Variants in AKNA observed in about 807,000 individuals in gnomAD.
AKNA encodes the protein microtubule organization protein AKNA.
Under a neutral mutation model 138.8 loss-of-function variants are expected in AKNA, and 67 were observed. The observed-to-expected ratio is 0.48, with a 90% CI of 0.40 to 0.59. AKNA has a LOEUF of 0.59. AKNA is among the 20% of genes least tolerant of loss of function. The probability of loss-of-function intolerance (pLI) is 0.00; values close to 1 mark genes in which losing one functional copy is unlikely to be tolerated. For missense variants in AKNA, 1,813 were observed against 1,880.4 expected (o/e 0.96, Z 0.66); for synonymous variants, 737 against 754.4 (o/e 0.98, Z 0.38).
chr9:114,371,701 T>C (rs189607401), intron 4 of AKNA, among the ~76,000 whole-genome samples: 165 of 152,308 alleles, frequency 1.1e-3, no homozygotes, highest in African/African-American at 3.9e-3. Flanking sequence ...GTCAATCTCC[T>C]TCCTATGGGT....
At chr9:114,378,650 T>G (rs917917812) in intron 2 of AKNA, among the ~76,000 whole-genome samples, 1 of 152,090 alleles carries the variant, frequency 6.6e-6, no homozygotes, top group South Asian at 2.1e-4. Context: ...ATTGTAATTA[T>G]TACATAGTGG....
At chr9:114,337,385 C>T in intron 21 of AKNA, 79 bp from the exon 22 acceptor site, 1 of 1,335,690 alleles carries the variant, frequency 7.5e-7, no homozygotes, top group Admixed American at 3.0e-5. Context: ...GTGGGGTCAA[C>T]CCCCTTCTAA....
At position 114,351,013 on chromosome 9, in the gene AKNA, C is replaced by T; in HGVS notation, c.3067G>A (p.Gly1023Ser). Residue 1023 changes from glycine to serine, a missense_variant, in exon 15 of 22, where the codon GGC becomes AGC. Transcript: ENST00000374088. ...CGTTTGTGCCCCTCAAACTCTGAGC[C>T]AGGAACCGCTAGGGAGGCAGAGAGA... The part of the protein sequence containing the change: ...RTLAAEMAVP[G>S]SEFEGHKRIS... 1 of 1,613,702 alleles carries T rather than the reference C, an allele frequency of 6.2e-7. No homozygotes were observed. The highest frequency in any genetic ancestry group is 8.5e-7 in the Non-Finnish European group (1 of 1,179,912).
intron 4 of AKNA, 34 bp from the exon 5 acceptor site, chr9:114,368,629 C>A: frequency 7.4e-7 from 1 of 1,342,972 alleles, no homozygotes; most frequent in Non-Finnish European, 9.6e-7. Flanking sequence ...ACAGCCAAGT[C>A]AGGGTAGGGG....
At position 114,387,125 on chromosome 9, in the gene AKNA, G is replaced by A. The variant is rs181305070; in HGVS notation, c.-114+735C>T. The stretch of plus-strand genomic sequence containing the variant: ...CAGATGTGTCAGGGAGATGGGGAAG[G>A]AAGACCACCCCCCAAATCAGTAACC... On this transcript the variant is annotated intron_variant, in intron 1 of 21. Coordinates refer to ENST00000374088, the MANE Select transcript of AKNA (RefSeq NM_001317950.2). 5.1e-4 allele frequency among the ~76,000 whole-genome samples: 77 copies of A among 152,232 alleles called. No individual in the cohort carries two copies. The East Asian group carries it at 0.014, about 29-fold the overall frequency.
At chr9:114,389,259 C>T (rs1159310), upstream of AKNA, among the ~76,000 whole-genome samples, 9 of 151,814 alleles carry the variant, frequency 5.9e-5, no homozygotes, top group African/African-American at 1.7e-4. Flanking sequence ...CACAGAAAAG[C>T]GGGCACAGGA....
rs1307658956 is a variant in AKNA at position 114,381,318 on chromosome 9, T to C, written c.16A>G (p.Thr6Ala). 1.9e-6 allele frequency: 3 copies of C among 1,598,176 alleles called. No individual in the cohort carries two copies. Among genetic ancestry groups the C allele is most frequent in the African/African-American group, 1.3e-5 (1 of 74,742 alleles). The change falls in exon 2 of 22, where the codon ACT becomes GCT. Residue 6 changes from threonine to alanine, a missense_variant. Thr to Ala is a moderately conservative substitution (Grantham distance 58, BLOSUM62 0). Transcript: ENST00000374088. ...CCAGGCTCAGCCCAGCGGATCTCAGTCTCCGAGCTGGCCATTGGGGCTGGC... is the reference window on the plus strand; with the variant it reads ...CCAGGCTCAGCCCAGCGGATCTCAGCCTCCGAGCTGGCCATTGGGGCTGGC... MASSE[T>A]EIRWAEPGLG...
Position 114,356,070 on chromosome 9 carries a change from C to T in AKNA, c.2913G>A (p.Lys971=). 4.3e-6 allele frequency: 7 copies of T among 1,614,166 alleles called. No individual in the cohort carries two copies. Among genetic ancestry groups the T allele is most frequent in the Non-Finnish European group, 5.9e-6 (7 of 1,180,034 alleles). The change falls in exon 14 of 22, where the codon AAG becomes AAA. Residue 971 remains lysine, a synonymous_variant. Transcript: ENST00000374088. ...TTCTGGGAATCAGAGAACCCCTGGC[C>T]TTGGGGTAGGAAGCTCCATCCCTGG... is the stretch of plus-strand genomic sequence containing the variant. The part of the protein sequence containing the change: ...SVPRDGASYP[K]ARGSLIPRRA...
At chr9:114,355,396 C>T (rs1004250746) in intron 14 of AKNA, among the ~76,000 whole-genome samples, 2 of 151,430 alleles carry the variant, frequency 1.3e-5, no homozygotes, top group African/African-American at 4.9e-5. Flanking sequence ...AGGCTCGTCT[C>T]GAACTCCTGA....
chr9:114,364,693 TGCCTTG>T (rs1363489016), intron 6 of AKNA, 74 bp from the exon 7 acceptor site: 18 of 1,497,776 alleles, frequency 1.2e-5, no homozygotes, highest in Non-Finnish European at 1.7e-5. Context: ...GCCACATCTA[TGCCTTG>T]GTAAGAGGAG....
chr9:114,346,611 G>T, intron 17 of AKNA, 58 bp downstream of exon 17: 1 of 1,396,816 alleles, frequency 7.2e-7, no homozygotes, highest in South Asian at 1.3e-5. Flanking sequence ...CCTGACCACT[G>T]AGCCAACATG....
Position 114,379,251 on chromosome 9 carries a change from TG to T in AKNA, c.275-1720del, listed in dbSNP as rs199517498. Among the ~76,000 whole-genome samples the T allele has an allele frequency of 1.3e-3, 200 of 152,356 alleles. 5 individuals are homozygous for T. The East Asian group carries it at 0.031, about 23-fold the overall frequency. On this transcript the variant is annotated intron_variant, in intron 2 of 21. Coordinates refer to ENST00000374088, the MANE Select transcript of AKNA (RefSeq NM_001317950.2). Reference sequence around the variant, plus strand: ...GCCACGGGCAAGCTGCTGACCTCTCTGGCAATCCATAGTCAAACTTGAGGAT... The same window carrying T: ...GCCACGGGCAAGCTGCTGACCTCTCTGCAATCCATAGTCAAACTTGAGGAT...
At chr9:114,340,252 T>C (rs1435246691) in intron 21 of AKNA, among the ~76,000 whole-genome samples, 2 of 152,182 alleles carry the variant, frequency 1.3e-5, no homozygotes, top group Admixed American at 6.5e-5. Context: ...CACCCAGGCT[T>C]CTGGCAACAC....
upstream of AKNA, among the ~76,000 whole-genome samples, chr9:114,394,712 C>T (rs1399657348): frequency 6.6e-6 from 1 of 152,214 alleles, no homozygotes; most frequent in Non-Finnish European, 1.5e-5. Context: ...AGAGAGGTTA[C>T]ACAACTTGCC....
At chr9:114,345,302 A>C (rs1169622293) in intron 18 of AKNA, 2 of 152,074 alleles carry the variant, frequency 1.3e-5, no homozygotes, top group Non-Finnish European at 2.9e-5. Flanking sequence ...CTGGTCTTGA[A>C]CTACTGATCT....
chr9:114,388,074 G>A (rs538471579), upstream of AKNA: 5 of 270,786 alleles, frequency 1.8e-5, no homozygotes, highest in East Asian at 5.2e-4. Context: ...GGCAGGAAGC[G>A]CCCAGCCTGA....
At chr9:114,375,714 G>A (rs1474997296) in intron 3 of AKNA, among the ~76,000 whole-genome samples, 3 of 152,096 alleles carry the variant, frequency 2.0e-5, no homozygotes, top group East Asian at 1.9e-4. Context: ...AAAGGTTTTC[G>A]GGGCTGCTAA....
At chr9:114,368,640 C>T (rs760578391) in intron 4 of AKNA, 45 bp from the exon 5 acceptor site, 37 of 1,319,022 alleles carry the variant, frequency 2.8e-5, no homozygotes, top group Non-Finnish European at 3.5e-5. Context: ...AGGGTAGGGG[C>T]AAACCCACCT....
chr9:114,347,199 A>G (rs1013132784), intron 16 of AKNA, among the ~76,000 whole-genome samples: 2 of 152,048 alleles, frequency 1.3e-5, no homozygotes, highest in African/African-American at 4.8e-5. Flanking sequence ...GTCTAGGGAT[A>G]TTCATTGTAT....
Sources: allele counts gnomAD v4.1 joint callset (sites outside exome capture counted in the v4.1 genomes callset), GRCh38; gene constraint gnomAD v4.1.1; transcripts MANE v1.5; gene names NCBI Gene and HGNC (gene_info 2026-07-23, HGNC 2026-07-21).